The following PHACTR2 variants were observed in gnomAD, a reference collection of about 807,000 sequenced individuals.
PHACTR2 encodes the protein phosphatase and actin regulator 2.
Under a neutral mutation model 76.0 loss-of-function variants are expected in PHACTR2, and 30 were observed. That is an observed-to-expected ratio of 0.39 (90% CI 0.30 to 0.54). The LOEUF is 0.54. Ranked by LOEUF, PHACTR2 falls within the 20% of genes least tolerant of loss-of-function variation. The pLI is 0.61. For missense variants in PHACTR2, 696 were observed against 781.1 expected (o/e 0.89, Z 1.30); for synonymous variants, 292 against 292.5 (o/e 1.00, Z 0.02).
Position 143,596,896 on chromosome 6 carries a change from A to G in PHACTR2, c.217+59689A>G, listed in dbSNP as rs1775761526. Among the ~76,000 whole-genome samples the G allele has an allele frequency of 6.6e-6, 1 of 152,208 alleles. No individual in the cohort carries two copies. The highest frequency in any genetic ancestry group is 1.5e-5 in the Non-Finnish European group (1 of 68,030). On this transcript the variant is annotated intron_variant, in intron 1 of 11. Coordinates refer to the PHACTR2 transcript ENST00000367584. This position sits in a 1 kb window ranked among gnomAD's most constrained non-coding sequence, Gnocchi z 4.6. ...GGCGTCCAACTCTGGGGCTGTTGCT[A>G]GGGCTCTGCAGCCCTTGCTGAAAGT...
At chr6:143,699,628 T>C (rs2128458084) in intron 1 of PHACTR2, among the ~76,000 whole-genome samples, 1 of 152,280 alleles carries the variant, frequency 6.6e-6, no homozygotes, top group African/African-American at 2.4e-5. Context: ...CACCTGAAGT[T>C]CATGGTGCCT....
In PHACTR2 at chr6:143,546,446, G is replaced by A. The variant is rs1311157202; in HGVS notation, c.217+9239G>A. Among the ~76,000 whole-genome samples, 1 of 151,974 alleles carries A rather than the reference G, an allele frequency of 6.6e-6. No individual in the cohort carries two copies. Among genetic ancestry groups the A allele is most frequent in the East Asian group, 1.9e-4 (1 of 5,190 alleles). ...CAGAGGTACAATGCTTTGATTTTGG[G>A]TCCATAACTCACATACTGTAAGCAT... On this transcript the variant is annotated intron_variant, in intron 1 of 11. Transcript: ENST00000367584. This position sits in a 1 kb window ranked among gnomAD's most constrained non-coding sequence, Gnocchi z 4.9.
At chr6:143,613,265 G>A (rs1776009902) in intron 1 of PHACTR2, among the ~76,000 whole-genome samples, 1 of 152,248 alleles carries the variant, frequency 6.6e-6, no homozygotes, top group Non-Finnish European at 1.5e-5. Flanking sequence ...GTGAGCCACC[G>A]CGCCCGGCCC....
intron 1 of PHACTR2, among the ~76,000 whole-genome samples, chr6:143,645,185 A>G (rs938069302): frequency 6.6e-6 from 1 of 152,178 alleles, no homozygotes; most frequent in African/African-American, 2.4e-5. Context: ...TACAAAAAAG[A>G]TACTTGCACA....
Position 143,623,402 on chromosome 6 carries a change from C to A in PHACTR2, c.13+15080C>A, listed in dbSNP as rs1458284599. Among the ~76,000 whole-genome samples, 2 of 152,054 alleles carry A rather than the reference C, an allele frequency of 1.3e-5. No homozygotes were observed. The highest frequency in any genetic ancestry group is 4.8e-5 in the African/African-American group (2 of 41,392). ...CCAGCCTGGCCAACATGGTGAAACC[C>A]TGTCTCTACTAAATATACAAAAATT... On this transcript the variant is annotated intron_variant, in intron 1 of 11. Transcript: ENST00000305766. This position sits in a 1 kb window ranked among gnomAD's most constrained non-coding sequence, Gnocchi z 5.9.
intron 1 of PHACTR2, among the ~76,000 whole-genome samples, chr6:143,579,899 C>T (rs1487774160): frequency 1.3e-5 from 2 of 152,190 alleles, no homozygotes; most frequent in Non-Finnish European, 2.9e-5. Flanking sequence ...GGGCTGCAGT[C>T]ATCTCCTGGC....
At chr6:143,745,176 C>G (rs1779029380) in intron 2 of PHACTR2, among the ~76,000 whole-genome samples, 1 of 152,164 alleles carries the variant, frequency 6.6e-6, no homozygotes, top group Non-Finnish European at 1.5e-5. Flanking sequence ...GCTTCAAAGT[C>G]AAAGAGCAGC....
In PHACTR2 at chr6:143,680,727, A is replaced by G. The variant is rs542053490; in HGVS notation, c.46+2518A>G. Among the ~76,000 whole-genome samples the G allele has an allele frequency of 1.6e-4, 25 of 152,300 alleles. No homozygotes were observed. The South Asian group carries it at 5.2e-3, about 32-fold the overall frequency. On this transcript the variant is annotated intron_variant, in intron 1 of 12. Transcript: ENST00000440869. The surrounding 1 kb of genome is among the most constrained non-coding windows in gnomAD (Gnocchi z 4.5). ...GTTCATTGTTTTTCAGTGTGTTCAC[A>G]GTGTTGTGTGACCCTCAATCTCTGT...
chr6:143,822,207 G>T lies in PHACTR2; in HGVS notation c.1923-1467G>T, dbSNP rs11965439. ...TTGTTGGCTTTCTTATTTTAATTTT[G>T]TTAAGGGACAGGGTCTTACTATGTG... On this transcript the variant is annotated intron_variant, in intron 12 of 12. Coordinates refer to ENST00000440869, the MANE Select transcript of PHACTR2 (RefSeq NM_001100164.2). The surrounding 1 kb of genome is among the most constrained non-coding windows in gnomAD (Gnocchi z 5.5). 0.053 allele frequency among the ~76,000 whole-genome samples: 8,059 copies of T among 152,180 alleles called. 240 individuals are homozygous for T. The highest frequency in any genetic ancestry group is 0.12 in the South Asian group (601 of 4,814).
rs1775030521 is a variant in PHACTR2, at chr6:143,547,779, A to T, written c.217+10572A>T. ...CATGATACCTTGCGGCCAGGAACTG[A>T]TACATTGATACATTGGTTGTGATCA... On this transcript the variant is annotated intron_variant, in intron 1 of 11. Coordinates refer to the PHACTR2 transcript ENST00000367584. This position sits in a 1 kb window ranked among gnomAD's most constrained non-coding sequence, Gnocchi z 4.2. 6.6e-6 allele frequency among the ~76,000 whole-genome samples: 1 copy of T among 152,214 alleles called. No homozygotes were observed. The highest frequency in any genetic ancestry group is 2.4e-5 in the African/African-American group (1 of 41,452).
At chr6:143,686,153 C>G (rs1777515948) in intron 1 of PHACTR2, among the ~76,000 whole-genome samples, 2 of 147,556 alleles carry the variant, frequency 1.4e-5, no homozygotes, top group Non-Finnish European at 3.0e-5. Context: ...AAAAAGTGCA[C>G]TTAGACTACA....
rs577576566 is a variant in PHACTR2, at chr6:143,823,719, C to T, written c.*30C>T. The T allele has an allele frequency of 6.3e-6, 10 of 1,587,100 alleles. No individual in the cohort carries two copies. The African/African-American group carries it at 1.1e-4, about 17-fold the overall frequency. ...GAGTGAGACTATTTGGAAACAGAGA[C>T]TGATCATCTTTGGGGGAAGCCCTGC... On this transcript the variant is annotated 3_prime_UTR_variant, in exon 13 of 13. Coordinates refer to ENST00000440869, the MANE Select transcript of PHACTR2 (RefSeq NM_001100164.2). This position sits in a 1 kb window ranked among gnomAD's most constrained non-coding sequence, Gnocchi z 5.7.
chr6:143,622,345 C>T (rs1776169315), intron 1 of PHACTR2, among the ~76,000 whole-genome samples: 1 of 152,196 alleles, frequency 6.6e-6, no homozygotes, highest in African/African-American at 2.4e-5. Context: ...CTCTTCCTCT[C>T]ATCCCAAGTA....
At chr6:143,587,746 G>A (rs1775644627) in intron 1 of PHACTR2, among the ~76,000 whole-genome samples, 1 of 152,124 alleles carries the variant, frequency 6.6e-6, no homozygotes, top group Non-Finnish European at 1.5e-5. Flanking sequence ...GGGCGCAGTG[G>A]CTCATACCTG....
Position 143,540,094 on chromosome 6 carries a change from T to A in PHACTR2, c.217+2887T>A, listed in dbSNP as rs9484761. On this transcript the variant is annotated intron_variant, in intron 1 of 11. Coordinates refer to the PHACTR2 transcript ENST00000367584. ...GAATTTGTTTTAGTACCTTCTCACA[T>A]CCCTATTGCTACATCCTCTCTTCTA... Among the ~76,000 whole-genome samples, 1,022 of 152,320 alleles carry A rather than the reference T, an allele frequency of 6.7e-3. 13 individuals carry two copies. Among genetic ancestry groups the A allele is most frequent in the African/African-American group, 0.02 (851 of 41,564 alleles).
rs1181408186 is a variant in PHACTR2 at position 143,765,809 on chromosome 6, G to A, written c.1232+11G>A. On this transcript the variant is annotated intron_variant, in intron 6 of 12. Coordinates refer to ENST00000440869, the MANE Select transcript of PHACTR2 (RefSeq NM_001100164.2). This position sits in a 1 kb window ranked among gnomAD's most constrained non-coding sequence, Gnocchi z 4.1. Reference sequence around the variant, plus strand: ...AGAAAATGCAAAATGGTGAGTTGGGGAACAAACCCCCTATTTTATCTGAGA... The same window carrying A: ...AGAAAATGCAAAATGGTGAGTTGGGAAACAAACCCCCTATTTTATCTGAGA... 1.9e-6 allele frequency: 3 copies of A among 1,592,720 alleles called. No individual in the cohort carries two copies. Among genetic ancestry groups the A allele is most frequent in the East Asian group, 2.2e-5 (1 of 44,492 alleles).
chr6:143,692,939 G>A (rs531893219), intron 1 of PHACTR2, among the ~76,000 whole-genome samples: 1 of 152,298 alleles, frequency 6.6e-6, no homozygotes, highest in African/African-American at 2.4e-5. Flanking sequence ...CAAGGTGTCA[G>A]CAGGGTTAGC....
Position 143,807,167 on chromosome 6 carries a change from T to C in PHACTR2, c.1922+34T>C. 7.9e-7 allele frequency: 1 copy of C among 1,260,666 alleles called. No homozygotes were observed. Among genetic ancestry groups the C allele is most frequent in the Non-Finnish European group, 1.1e-6 (1 of 870,856 alleles). 78.1% of individuals were successfully genotyped at this position (1,260,666 alleles called of 1,614,324 possible). ...CAAAATGCAGCTTAGAAATTGAAAA[T>C]GCTTAAGATGTGATCCCATGTTGAG... On this transcript the variant is annotated intron_variant, in intron 12 of 12. Transcript: ENST00000440869. This position sits in a 1 kb window ranked among gnomAD's most constrained non-coding sequence, Gnocchi z 5.5.
At position 143,773,748 on chromosome 6, in the gene PHACTR2, T is replaced by C. The variant is rs911207426; in HGVS notation, c.1433-311T>C. Among the ~76,000 whole-genome samples, 9 of 152,358 alleles carry C rather than the reference T, an allele frequency of 5.9e-5. No homozygotes were observed. In the East Asian group the frequency reaches 1.7e-3, roughly 29 times the overall value. Reference sequence around the variant, plus strand: ...AGAAACAGAATTGTGCAATCATTCATTTCTATGATCCACCCTCTCAGCAAA... The same window carrying C: ...AGAAACAGAATTGTGCAATCATTCACTTCTATGATCCACCCTCTCAGCAAA... On this transcript the variant is annotated intron_variant, in intron 7 of 12. Transcript: ENST00000440869.
Sources: allele counts gnomAD v4.1 joint callset (sites outside exome capture counted in the v4.1 genomes callset), GRCh38; gene constraint gnomAD v4.1.1; non-coding constraint Gnocchi (gnomAD v3.1); transcripts MANE v1.5; gene names NCBI Gene and HGNC (gene_info 2026-07-23, HGNC 2026-07-21).